The following CCDC73 variants were observed in gnomAD, a reference collection of about 807,000 sequenced individuals.
CCDC73 encodes the protein coiled-coil domain-containing protein 73.
Under a neutral mutation model 116.5 loss-of-function variants are expected in CCDC73, and 95 were observed. That is an observed-to-expected ratio of 0.82 (90% CI 0.69 to 0.97). The LOEUF (loss-of-function observed/expected upper bound fraction) is 0.97, where lower values mean the gene tolerates loss of function less well. CCDC73 is among the 50% of genes least tolerant of loss of function. The pLI is 0.00. For synonymous variants in CCDC73, 398 were observed against 401.3 expected (o/e 0.99, Z 0.10); for missense variants, 1,066 against 1,206.8 (o/e 0.88, Z 1.73).
intron 1 of CCDC73, among the ~76,000 whole-genome samples, chr11:32,775,699 G>C (rs1414583591): frequency 6.6e-6 from 1 of 152,084 alleles, no homozygotes; most frequent in African/African-American, 2.4e-5. Context: ...TTCATTCAAA[G>C]AGCAACAGAT....
Position 32,675,954 on chromosome 11 carries a change from T to A in CCDC73, c.497A>T (p.Lys166Ile). Residue 166 changes from lysine to isoleucine, a missense_variant, in exon 8 of 18, where the codon AAA becomes ATA. Lys to Ile is a moderately radical substitution (Grantham distance 102, BLOSUM62 -3). Transcript: ENST00000335185. Reference sequence around the variant, plus strand: ...TTGACCTGTTATTGTGGCATAATATTTCTCAATTTCACTCAGTTGCTTATG... The same window carrying A: ...TTGACCTGTTATTGTGGCATAATATATCTCAATTTCACTCAGTTGCTTATG... ...DYHKQLSEIE[K>I]YYATITGQFG... 1 of 1,609,448 alleles carries A rather than the reference T, an allele frequency of 6.2e-7. No individual in the cohort carries two copies. The highest frequency in any genetic ancestry group is 8.5e-7 in the Non-Finnish European group (1 of 1,178,204).
At chr11:32,702,756 C>T in intron 4 of CCDC73, 117 bp downstream of exon 4, 1 of 756,018 alleles carries the variant, frequency 1.3e-6, no homozygotes, top group East Asian at 2.5e-5. Context: ...TCCCATAATA[C>T]CTTGTTCTCC....
rs374953675 is a variant in CCDC73 at position 32,707,098 on chromosome 11, C to T, written c.208-4154G>A. On this transcript the variant is annotated intron_variant, in intron 3 of 17. Coordinates refer to ENST00000335185, the MANE Select transcript of CCDC73 (RefSeq NM_001008391.4). ...CCATCTAAACCTCTACCTAAGTTTA[C>T]AAAATACCTCTAAAACCAGATGCTA... is the stretch of plus-strand genomic sequence containing the variant. Among the ~76,000 whole-genome samples, 31 of 152,144 alleles carry T rather than the reference C, an allele frequency of 2.0e-4. 1 individual carries two copies. The highest frequency in any genetic ancestry group is 6.7e-4 in the African/African-American group (28 of 41,536).
intron 14 of CCDC73, among the ~76,000 whole-genome samples, chr11:32,621,570 C>G (rs1377171714): frequency 6.6e-6 from 1 of 152,066 alleles, no homozygotes; most frequent in East Asian, 1.9e-4. Flanking sequence ...CATAAAAACC[C>G]TAGAAGAAAA....
At chr11:32,687,967 C>A (rs1040602716) in intron 6 of CCDC73, among the ~76,000 whole-genome samples, 2 of 151,894 alleles carry the variant, frequency 1.3e-5, no homozygotes, top group Non-Finnish European at 2.9e-5. Context: ...CTGGCCAAAC[C>A]AAGAATAATT....
rs1409063485 is a variant in CCDC73 at position 32,658,860 on chromosome 11, C to T, written c.646-3888G>A. ...TGAGTCAAAGATGATTCTAGAGTGA[C>T]TAAGTGAAACTGGAAGAAAGGAAAA... is the stretch of plus-strand genomic sequence containing the variant. On this transcript the variant is annotated intron_variant, in intron 9 of 17. Transcript: ENST00000335185. Among the ~76,000 whole-genome samples the T allele has an allele frequency of 2.6e-5, 4 of 151,658 alleles. No homozygotes were observed. In the South Asian group the frequency reaches 6.2e-4, roughly 24 times the overall value.
In CCDC73 at chr11:32,699,239, A is replaced by C; in HGVS notation, c.390+12T>G. The C allele has an allele frequency of 6.4e-7, 1 of 1,572,444 alleles. No homozygotes were observed. Among genetic ancestry groups the C allele is most frequent in the Non-Finnish European group, 8.7e-7 (1 of 1,155,666 alleles). ...CCAAACTACTTTTTAAACAATACGT[A>C]GTTATTTTTACCTGTAGTGCTTTTA... On this transcript the variant is annotated intron_variant, in intron 6 of 17. Coordinates refer to ENST00000335185, the MANE Select transcript of CCDC73 (RefSeq NM_001008391.4).
At chr11:32,803,453 A>G in the CCDC73 span, among the ~76,000 whole-genome samples, 5 of 152,258 alleles carry the variant, frequency 3.3e-5, no homozygotes, top group Admixed American at 1.3e-4. Flanking sequence ...ACTAAACAGC[A>G]TGCACCTTTT....
chr11:32,654,156 T>C (rs565665428), intron 10 of CCDC73, 119 bp from the exon 11 acceptor site: 6 of 861,328 alleles, frequency 7.0e-6, no homozygotes, highest in Admixed American at 3.6e-5. Flanking sequence ...AGTACCCACA[T>C]TTGTTTTTTT....
chr11:32,690,581 C>T (rs1273431501), intron 6 of CCDC73, among the ~76,000 whole-genome samples: 3 of 152,126 alleles, frequency 2.0e-5, no homozygotes, highest in Non-Finnish European at 2.9e-5. Flanking sequence ...TGCCTCATGA[C>T]GGAATTCTCA....
intron 1 of CCDC73, among the ~76,000 whole-genome samples, chr11:32,787,566 T>C (rs1850639169): frequency 6.6e-6 from 1 of 152,204 alleles, no homozygotes; most frequent in African/African-American, 2.4e-5. Context: ...ATCACATAAG[T>C]TGGTTTCATC....
intron 17 of CCDC73, among the ~76,000 whole-genome samples, chr11:32,607,057 C>T (rs1406528436): frequency 6.8e-6 from 1 of 147,030 alleles, no homozygotes; most frequent in Non-Finnish European, 1.5e-5. Context: ...AGGCTTGAGC[C>T]CACCACGCCC....
At chr11:32,707,031 G>GA (rs1220264168) in intron 3 of CCDC73, among the ~76,000 whole-genome samples, 8 of 152,014 alleles carry the variant, frequency 5.3e-5, no homozygotes, top group Non-Finnish European at 1.2e-4. Context: ...CACTTTGTGG[G>GA]AAAAAAGTTT....
At chr11:32,773,467 A>C (rs543457016) in intron 1 of CCDC73, among the ~76,000 whole-genome samples, 1 of 152,300 alleles carries the variant, frequency 6.6e-6, no homozygotes, top group East Asian at 1.9e-4. Context: ...CTATTTTTAA[A>C]AAGTGGAATG....
chr11:32,767,981 C>T (rs1221168731), intron 1 of CCDC73, among the ~76,000 whole-genome samples: 1 of 152,076 alleles, frequency 6.6e-6, no homozygotes, highest in Non-Finnish European at 1.5e-5. Flanking sequence ...GGTATATACC[C>T]AAAGGATTAT....
chr11:32,649,291 TAATACTATGAAAA>T (rs1446444130), intron 12 of CCDC73, among the ~76,000 whole-genome samples: 3 of 152,198 alleles, frequency 2.0e-5, no homozygotes, highest in Non-Finnish European at 4.4e-5. Flanking sequence ...TGACCCTAGT[TAATACTATGAAAA>T]AATACTATGA....
rs1413222511 is a variant in CCDC73 at position 32,631,624 on chromosome 11, A to C, written c.1185+4072T>G. Among the ~76,000 whole-genome samples, 688 of 150,928 alleles carry C rather than the reference A, an allele frequency of 4.6e-3. 10 individuals carry two copies. Among genetic ancestry groups the C allele is most frequent in the African/African-American group, 0.016 (663 of 40,646 alleles). On this transcript the variant is annotated intron_variant, in intron 14 of 17. Coordinates refer to ENST00000335185, the MANE Select transcript of CCDC73 (RefSeq NM_001008391.4). ...AAGGAAAGGAAGGGAAGGGAAGGGA[A>C]GGGACGGGAAAGGAAAGGAAAGGAA...
At chr11:32,820,497 G>T in the CCDC73 span, among the ~76,000 whole-genome samples, 2 of 152,254 alleles carry the variant, frequency 1.3e-5, no homozygotes, top group East Asian at 1.9e-4. Context: ...GTAGAATATA[G>T]AAATAGCTGA....
At chr11:32,776,931 A>AT (rs1850537081) in intron 1 of CCDC73, among the ~76,000 whole-genome samples, 1 of 25,724 alleles carries the variant, frequency 3.9e-5, no homozygotes, top group African/African-American at 1.1e-4. Flanking sequence ...TGGTTAAAAA[A>AT]AAAAAATATA....
Sources: allele counts gnomAD v4.1 joint callset (sites outside exome capture counted in the v4.1 genomes callset), GRCh38; gene constraint gnomAD v4.1.1; transcripts MANE v1.5; gene names NCBI Gene and HGNC (gene_info 2026-07-23, HGNC 2026-07-21).